Variants in CFDP1 observed in about 807,000 individuals in gnomAD.
CFDP1 encodes chromatin remodeling protein CFDP1.
A neutral mutation model predicts 40.1 loss-of-function variants in CFDP1; 31 were observed. The observed-to-expected ratio is 0.77, with a 90% CI of 0.58 to 1.04. CFDP1 has a LOEUF of 1.04. CFDP1 is among the 50% of genes least tolerant of loss of function. CFDP1 has a pLI of 0.00. For synonymous variants in CFDP1, 167 were observed against 120.0 expected (o/e 1.39, Z -2.56); for missense variants, 423 against 343.4 (o/e 1.23, Z -1.83).
intron 5 of CFDP1, among the ~76,000 whole-genome samples, chr16:75,319,402 T>A (rs147582813): frequency 3.3e-5 from 5 of 152,152 alleles, no homozygotes; most frequent in African/African-American, 1.2e-4. Flanking sequence ...GAGATAGACA[T>A]TGGACACAGC....
intron 5 of CFDP1, among the ~76,000 whole-genome samples, chr16:75,366,920 T>C (rs555604579): frequency 6.6e-6 from 1 of 152,032 alleles, no homozygotes; most frequent in South Asian, 2.1e-4. Flanking sequence ...TCCTAGCACT[T>C]TGGGAGGCCA....
chr16:75,312,062 C>T (rs2078296258), intron 5 of CFDP1, among the ~76,000 whole-genome samples: 1 of 152,168 alleles, frequency 6.6e-6, no homozygotes, highest in African/African-American at 2.4e-5. Context: ...TTCTCTTTCG[C>T]ATTTTCTCTG....
chr16:75,328,092 G>A (rs1206701709), intron 5 of CFDP1, among the ~76,000 whole-genome samples: 2 of 151,650 alleles, frequency 1.3e-5, no homozygotes, highest in African/African-American at 4.8e-5. Context: ...TTGAGGGGCA[G>A]GAGGTGGTAT....
At chr16:75,421,251 T>C (rs1016470777) in intron 1 of CFDP1, among the ~76,000 whole-genome samples, 6 of 151,942 alleles carry the variant, frequency 3.9e-5, no homozygotes, top group African/African-American at 7.2e-5. Flanking sequence ...CTGTTCCCCC[T>C]TTTTTCCCTT....
At chr16:75,399,158 G>A (rs1424357378) in intron 4 of CFDP1, among the ~76,000 whole-genome samples, 20 of 151,764 alleles carry the variant, frequency 1.3e-4, no homozygotes, top group Admixed American at 3.9e-4. Context: ...GAACTGCCTA[G>A]CTGAGCCCAG....
At chr16:75,340,657 G>A (rs1267987432) in intron 5 of CFDP1, among the ~76,000 whole-genome samples, 5 of 152,202 alleles carry the variant, frequency 3.3e-5, no homozygotes, top group Admixed American at 1.3e-4. Flanking sequence ...TGCAAGTGAA[G>A]TTAAAGTTTT....
At chr16:75,404,815 AAG>A (rs2079084916) in intron 4 of CFDP1, among the ~76,000 whole-genome samples, 1 of 152,176 alleles carries the variant, frequency 6.6e-6, no homozygotes, top group Non-Finnish European at 1.5e-5. Context: ...GCAACAACAA[AAG>A]ACCAATTATG....
chr16:75,378,783 G>A (rs1330677811), intron 5 of CFDP1, among the ~76,000 whole-genome samples: 1 of 152,140 alleles, frequency 6.6e-6, no homozygotes, highest in African/African-American at 2.4e-5. Flanking sequence ...AGATATTGGG[G>A]TAAAAACAAA....
Position 75,313,798 on chromosome 16 carries a change from A to C in CFDP1, c.651-8616T>G, listed in dbSNP as rs142778453. Among the ~76,000 whole-genome samples the C allele has an allele frequency of 8.6e-3, 1,297 of 150,554 alleles. 8 individuals are homozygous for C. Among genetic ancestry groups the C allele is most frequent in the Non-Finnish European group, 0.014 (924 of 67,120 alleles). On this transcript the variant is annotated intron_variant, in intron 5 of 6. Transcript: ENST00000283882. ...TTACATAAAAGAAATTCCATAGAGAATCTCAAGTTGAAAGTCTGAGTTGCT... is the reference window on the plus strand; with the variant it reads ...TTACATAAAAGAAATTCCATAGAGACTCTCAAGTTGAAAGTCTGAGTTGCT...
chr16:75,295,924 G>A (rs1038358488), intron 6 of CFDP1, among the ~76,000 whole-genome samples: 7 of 152,076 alleles, frequency 4.6e-5, no homozygotes, highest in Admixed American at 1.3e-4. Context: ...CTTGAGTGGG[G>A]GCTGCTAACC....
At chr16:75,314,737 A>C (rs546662371) in intron 5 of CFDP1, among the ~76,000 whole-genome samples, 1 of 152,294 alleles carries the variant, frequency 6.6e-6, no homozygotes, top group East Asian at 1.9e-4. Flanking sequence ...AAGGAAATGA[A>C]GGACAATATT....
intron 5 of CFDP1, among the ~76,000 whole-genome samples, chr16:75,313,376 C>T (rs2078306781): frequency 6.6e-6 from 1 of 152,198 alleles, no homozygotes; most frequent in African/African-American, 2.4e-5. Flanking sequence ...GTCACCCAGG[C>T]TGGAGTGCAG....
intron 5 of CFDP1, among the ~76,000 whole-genome samples, chr16:75,384,762 TA>T (rs912390706): frequency 1.3e-5 from 2 of 149,834 alleles, no homozygotes; most frequent in East Asian, 2.0e-4. Flanking sequence ...CAGGCAGGCA[TA>T]AAAAAAATAC....
At chr16:75,389,674 A>G (rs542051291) in intron 5 of CFDP1, among the ~76,000 whole-genome samples, 6 of 152,346 alleles carry the variant, frequency 3.9e-5, no homozygotes, top group African/African-American at 1.4e-4. Flanking sequence ...CAAAATGAAA[A>G]AAGTCTGTGG....
chr16:75,422,393 CCTCT>C (rs1203621116), intron 1 of CFDP1, among the ~76,000 whole-genome samples: 12 of 149,286 alleles, frequency 8.0e-5, no homozygotes, highest in African/African-American at 2.7e-4. Context: ...CTGCGTATGG[CCTCT>C]TTTTTTTTTT....
intron 6 of CFDP1, among the ~76,000 whole-genome samples, chr16:75,297,862 G>A (rs1382502370): frequency 6.6e-6 from 1 of 152,140 alleles, no homozygotes; most frequent in East Asian, 1.9e-4. Flanking sequence ...TGAAAAGGGA[G>A]GGAGAAATGG....
At chr16:75,315,567 C>T (rs769391630) in intron 5 of CFDP1, among the ~76,000 whole-genome samples, 6 of 152,016 alleles carry the variant, frequency 3.9e-5, no homozygotes, top group Non-Finnish European at 5.9e-5. Context: ...AAAATCCCCC[C>T]AACTTTATAG....
intron 4 of CFDP1, chr16:75,409,454 T>G (rs1303522130): frequency 6.6e-6 from 1 of 152,250 alleles, no homozygotes; most frequent in Non-Finnish European, 1.5e-5. Context: ...CAGTAGGGTA[T>G]CTGTCGAATC....
intron 5 of CFDP1, among the ~76,000 whole-genome samples, chr16:75,344,700 C>T (rs149251569): frequency 6.6e-6 from 1 of 151,962 alleles, no homozygotes; most frequent in Non-Finnish European, 1.5e-5. Context: ...TTAGGAGGCC[C>T]AGATGGGTGG....
Sources: allele counts gnomAD v4.1 joint callset (sites outside exome capture counted in the v4.1 genomes callset), GRCh38; gene constraint gnomAD v4.1.1; transcripts MANE v1.5; gene names NCBI Gene and HGNC (gene_info 2026-07-23, HGNC 2026-07-21).